Variants in DIAPH3 observed in about 807,000 individuals in gnomAD.
DIAPH3 encodes diaphanous related formin 3.
A neutral mutation model predicts 144.3 loss-of-function variants in DIAPH3; 117 were observed. The ratio of observed to expected loss-of-function variants is 0.81; its 90% confidence interval spans 0.70 to 0.95. The LOEUF is 0.95. Among genes scored for constraint, DIAPH3 ranks in the 40% least tolerant of loss-of-function variants. The pLI, the probability that DIAPH3 is intolerant of heterozygous loss-of-function variation, is 0.00. For synonymous variants in DIAPH3, 519 were observed against 488.9 expected, an observed-to-expected ratio of 1.06 and a Z score of -0.81; for missense variants, 1,421 against 1,412.7, an observed-to-expected ratio of 1.01 and a Z score of -0.09.
At chr13:60,075,910 T>C (rs1187613229) in intron 4 of DIAPH3, among the ~76,000 whole-genome samples, 1 of 152,220 alleles carries the variant, frequency 6.6e-6, no homozygotes, top group African/African-American at 2.4e-5. Flanking sequence ...CATATGTGCA[T>C]TACTCAGACA....
chr13:60,035,037 GATATATAT>G (rs2055111668), intron 5 of DIAPH3, among the ~76,000 whole-genome samples: 1 of 151,886 alleles, frequency 6.6e-6, no homozygotes, highest in Non-Finnish European at 1.5e-5. Flanking sequence ...ATATATGGCA[GATATATAT>G]ACCATATATA....
chr13:59,968,725 C>T (rs1447501282), intron 17 of DIAPH3, among the ~76,000 whole-genome samples: 1 of 152,156 alleles, frequency 6.6e-6, no homozygotes, highest in African/African-American at 2.4e-5. Context: ...TCTTAATTTA[C>T]AATTACCTTT....
chr13:59,809,745 T>C (rs1347116269), intron 25 of DIAPH3, among the ~76,000 whole-genome samples: 14 of 152,144 alleles, frequency 9.2e-5, no homozygotes. Context: ...TACATTAAGG[T>C]ACTCGTTTCG....
intron 17 of DIAPH3, among the ~76,000 whole-genome samples, chr13:59,937,318 G>C (rs1029448880): frequency 3.9e-5 from 6 of 152,090 alleles, no homozygotes; most frequent in African/African-American, 1.2e-4. Context: ...ATATACAAAA[G>C]AAAGTACAAG....
chr13:59,997,834 A>G (rs1207454480), intron 9 of DIAPH3, among the ~76,000 whole-genome samples: 2 of 152,076 alleles, frequency 1.3e-5, no homozygotes, highest in South Asian at 4.1e-4. Flanking sequence ...AGATGTTTTT[A>G]CAATTAAATC....
intron 21 of DIAPH3, among the ~76,000 whole-genome samples, chr13:59,875,665 G>A (rs1256605783): frequency 2.0e-5 from 3 of 152,072 alleles, no homozygotes; most frequent in African/African-American, 7.2e-5. Flanking sequence ...CTCATGAAGT[G>A]AAGTTTGCAC....
intron 14 of DIAPH3, among the ~76,000 whole-genome samples, chr13:59,975,389 G>T (rs992175593): frequency 2.6e-5 from 4 of 152,012 alleles, no homozygotes; most frequent in African/African-American, 9.7e-5. Context: ...CTAAGAGGCA[G>T]TTGCTAGTCC....
intron 2 of DIAPH3, among the ~76,000 whole-genome samples, chr13:60,119,974 C>A (rs531519487): frequency 1.3e-5 from 2 of 151,876 alleles, no homozygotes; most frequent in African/African-American, 4.8e-5. Context: ...TAGTTACCAT[C>A]CCTACAGATG....
In DIAPH3 at chr13:59,957,044, A is replaced by T. The variant is rs573330009; in HGVS notation, c.2074+12900T>A. On this transcript the variant is annotated intron_variant, in intron 17 of 27. Transcript: ENST00000400324. ...CTAGGAAGTAACTAACTTGCTTTTG[A>T]TTTTACAGGCTCATAGGTGGAAGGA... Among the ~76,000 whole-genome samples the T allele has an allele frequency of 3.9e-5, 6 of 152,198 alleles. No homozygotes were observed. In the South Asian group the frequency reaches 6.2e-4, roughly 16 times the overall value.
chr13:60,071,781 T>G (rs1191057112), intron 4 of DIAPH3, among the ~76,000 whole-genome samples: 2 of 152,190 alleles, frequency 1.3e-5, no homozygotes, highest in Non-Finnish European at 2.9e-5. Context: ...CAGAGAAATA[T>G]GTGTGATTCC....
chr13:60,037,150 A>C (rs2141151872), intron 5 of DIAPH3, among the ~76,000 whole-genome samples: 1 of 112,742 alleles, frequency 8.9e-6, no homozygotes, highest in East Asian at 2.5e-4. Flanking sequence ...ATAACAAAAA[A>C]AAAATTGTGG....
intron 25 of DIAPH3, among the ~76,000 whole-genome samples, chr13:59,785,224 C>T (rs556692680): frequency 6.6e-6 from 1 of 152,278 alleles, no homozygotes; most frequent in East Asian, 1.9e-4. Flanking sequence ...GGGGAAAAAA[C>T]TCCAATAGGT....
chr13:59,808,923 A>C (rs933728257), intron 25 of DIAPH3, among the ~76,000 whole-genome samples: 1 of 152,180 alleles, frequency 6.6e-6, no homozygotes, highest in Non-Finnish European at 1.5e-5. Context: ...TTGATCTACT[A>C]TTTTTTAGGT....
At chr13:59,772,425 A>T (rs421895) in intron 27 of DIAPH3, among the ~76,000 whole-genome samples, 100,020 of 151,958 alleles carry the variant, frequency 0.66, 33,393 homozygotes, top group East Asian at 0.72. Flanking sequence ...GAGAATTTGA[A>T]CTTTGTGATA....
At chr13:59,680,344 A>G (rs2032872929) in intron 27 of DIAPH3, among the ~76,000 whole-genome samples, 1 of 152,136 alleles carries the variant, frequency 6.6e-6, no homozygotes, top group Admixed American at 6.5e-5. Flanking sequence ...ATGCCTATTA[A>G]AAAAATGCTG....
At chr13:59,853,680 G>A (rs544423236) in intron 22 of DIAPH3, among the ~76,000 whole-genome samples, 17 of 152,220 alleles carry the variant, frequency 1.1e-4, no homozygotes, top group Middle Eastern at 3.4e-3. Context: ...GTAGCTCTTT[G>A]TAACTATGCA....
At chr13:59,812,259 T>C (rs1403879911) in intron 24 of DIAPH3, among the ~76,000 whole-genome samples, 2 of 20,942 alleles carry the variant, frequency 9.6e-5, no homozygotes, top group African/African-American at 2.1e-4. Context: ...CATCCATCCA[T>C]CCATCCATCC....
intron 1 of DIAPH3, among the ~76,000 whole-genome samples, chr13:60,162,885 T>G (rs1198357379): frequency 6.6e-6 from 1 of 151,262 alleles, no homozygotes; most frequent in East Asian, 2.0e-4. Flanking sequence ...GAGTGGTCAA[T>G]GTGAAATTTC....
intron 17 of DIAPH3, among the ~76,000 whole-genome samples, chr13:59,966,968 G>A (rs573294507): frequency 1.2e-4 from 19 of 152,286 alleles, no homozygotes; most frequent in African/African-American, 3.9e-4. Context: ...ACTGGCTTGC[G>A]AAAGGGTGGA....
Sources: gnomAD v4.1 joint callset for allele counts (sites outside exome capture counted in the v4.1 genomes callset) on GRCh38, gnomAD v4.1.1 for gene constraint, MANE v1.5 for transcripts, NCBI Gene and HGNC (gene_info 2026-07-23, HGNC 2026-07-21) for gene names.